Variants in SBF2 observed in about 807,000 individuals in gnomAD.
SBF2 encodes the protein myotubularin-related protein 13.
A neutral mutation model predicts 225.2 loss-of-function variants in SBF2; 112 were observed. The ratio of observed to expected loss-of-function variants is 0.50; its 90% CI spans 0.43 to 0.58. The LOEUF (loss-of-function observed/expected upper bound fraction) is 0.58. Ranked by LOEUF, SBF2 falls within the 20% of genes least tolerant of loss-of-function variation. The pLI is 0.00. For missense variants in SBF2, 1,996 were observed against 2,206.2 expected, an observed-to-expected ratio of 0.90 and a Z score of 1.91; for synonymous variants, 763 against 773.3, an observed-to-expected ratio of 0.99 and a Z score of 0.22.
intron 10 of SBF2, 40 bp from the exon 11 acceptor site, chr11:9,993,143 TA>T (rs1947518301): frequency 1.4e-6 from 2 of 1,439,866 alleles, no homozygotes; most frequent in Non-Finnish European, 9.7e-7. Context: ...TTTAACTTTT[TA>T]AAAACAAATG....
intron 16 of SBF2, 38 bp from the exon 17 acceptor site, chr11:9,896,049 T>G: frequency 6.6e-7 from 1 of 1,512,762 alleles, no homozygotes; most frequent in Non-Finnish European, 9.2e-7. Context: ...ATTAGGATAT[T>G]TACCAGAAAT....
chr11:10,046,261 G>A (rs1467963805), intron 2 of SBF2, among the ~76,000 whole-genome samples: 1 of 152,018 alleles, frequency 6.6e-6, no homozygotes, highest in South Asian at 2.1e-4. Context: ...GAAGCAAAGG[G>A]AATACCTTCT....
rs554953748 is a variant in SBF2 at position 10,171,843 on chromosome 11, G to A, written c.141+22059C>T. ...TGTTACTTGTTATTGGTCTGTTCAGGTTTTGGATTTCTTCATTGTTCAATC... is the reference window on the plus strand; with the variant it reads ...TGTTACTTGTTATTGGTCTGTTCAGATTTTGGATTTCTTCATTGTTCAATC... On this transcript the variant is annotated intron_variant, in intron 2 of 39. Coordinates refer to ENST00000256190, the MANE Select transcript of SBF2 (RefSeq NM_030962.4). Among the ~76,000 whole-genome samples, 8 of 152,214 alleles carry A rather than the reference G, an allele frequency of 5.3e-5. No homozygotes were observed. The South Asian group carries it at 1.7e-3, about 32-fold the overall frequency.
intron 26 of SBF2, among the ~76,000 whole-genome samples, chr11:9,833,874 A>G (rs1170498589): frequency 4.0e-5 from 6 of 149,500 alleles, no homozygotes; most frequent in Admixed American, 3.3e-4. Context: ...GGGTTCAAGC[A>G]ATTCTCCTTT....
At chr11:10,284,055 C>T (rs1963586452) in intron 1 of SBF2, among the ~76,000 whole-genome samples, 1 of 152,222 alleles carries the variant, frequency 6.6e-6, no homozygotes, top group East Asian at 1.9e-4. Context: ...GTAAGGGTAT[C>T]TTTCTATCTT....
intron 13 of SBF2, among the ~76,000 whole-genome samples, chr11:9,987,252 A>C (rs931189483): frequency 1.3e-5 from 2 of 152,214 alleles, no homozygotes; most frequent in African/African-American, 4.8e-5. Flanking sequence ...TCTCAGCAGA[A>C]CTGGCATACG....
intron 2 of SBF2, among the ~76,000 whole-genome samples, chr11:10,065,515 C>T (rs996706394): frequency 2.0e-5 from 3 of 151,872 alleles, no homozygotes; most frequent in African/African-American, 7.3e-5. Context: ...TGATCACACA[C>T]AGAGAAAAAA....
chr11:9,929,083 AC>A, intron 16 of SBF2: 1 of 361,150 alleles, frequency 2.8e-6, no homozygotes, highest in Non-Finnish European at 5.3e-6. Context: ...GAGTGTAGTG[AC>A]CAGCCATTAG....
intron 16 of SBF2, among the ~76,000 whole-genome samples, chr11:9,943,255 T>C (rs1036890002): frequency 6.6e-6 from 1 of 152,130 alleles, no homozygotes; most frequent in African/African-American, 2.4e-5. Flanking sequence ...AGGACTTAAA[T>C]AGGAAAGGTA....
rs762973514 is a variant in SBF2, at chr11:9,839,675, G to A, written c.3278C>T (p.Pro1093Leu). ...DVSVSDESEL[P>L]TSTTLKASEK... ...GGAGGCCTTCAGGGTGGTACTTGTGGGGAGCTCACTCTCATCTGAAACTGT... is the reference window on the plus strand; with the variant it reads ...GGAGGCCTTCAGGGTGGTACTTGTGAGGAGCTCACTCTCATCTGAAACTGT... The change falls in exon 26 of 40, where the codon CCC becomes CTC. Residue 1093 changes from proline (P) to leucine (L), a missense_variant. Physicochemically the swap from Pro to Leu is moderately conservative, Grantham distance 98. Coordinates refer to ENST00000256190, the MANE Select transcript of SBF2 (RefSeq NM_030962.4). The A allele has an allele frequency of 2.5e-6, 4 of 1,613,226 alleles. No homozygotes were observed. Among genetic ancestry groups the A allele is most frequent in the African/African-American group, 1.3e-5 (1 of 74,862 alleles).
At chr11:10,049,106 A>G (rs530698324) in intron 2 of SBF2, among the ~76,000 whole-genome samples, 159 of 152,350 alleles carry the variant, frequency 1.0e-3, no homozygotes, top group Admixed American at 1.9e-3. Flanking sequence ...AAATCACAAG[A>G]GCTTGAATGC....
chr11:10,143,962 G>A (rs1004202418), intron 2 of SBF2, among the ~76,000 whole-genome samples: 28 of 152,036 alleles, frequency 1.8e-4, no homozygotes, highest in African/African-American at 5.8e-4. Context: ...CTCGTGATCC[G>A]CCCGTCTCGG....
At chr11:10,039,192 T>C (rs1949559116) in intron 3 of SBF2, among the ~76,000 whole-genome samples, 1 of 151,854 alleles carries the variant, frequency 6.6e-6, no homozygotes, top group Non-Finnish European at 1.5e-5. Flanking sequence ...ATATTTGGTA[T>C]GAAGTAATTC....
chr11:10,138,002 AAAATAAATAAAT>A (rs79609358), intron 2 of SBF2, among the ~76,000 whole-genome samples: 1 of 150,556 alleles, frequency 6.6e-6, no homozygotes, highest in African/African-American at 2.4e-5. Flanking sequence ...TCCATCTCCA[AAAATAAATAAAT>A]AAATAAATAA....
chr11:9,956,017 A>T (rs1407903229), intron 16 of SBF2, among the ~76,000 whole-genome samples: 2 of 151,852 alleles, frequency 1.3e-5, no homozygotes, highest in African/African-American at 4.8e-5. Flanking sequence ...TTTTTCTGTA[A>T]CTCATGACAG....
chr11:9,968,919 A>T (rs1475929244), intron 13 of SBF2, among the ~76,000 whole-genome samples: 1 of 152,166 alleles, frequency 6.6e-6, no homozygotes, highest in Admixed American at 6.6e-5. Context: ...CCTATCTTTA[A>T]ACCATAAAAA....
At chr11:9,967,977 A>C (rs1192443772) in intron 14 of SBF2, among the ~76,000 whole-genome samples, 951 of 89,514 alleles carry the variant, frequency 0.011, 9 homozygotes, top group South Asian at 0.02. Flanking sequence ...CTCTCTATAT[A>C]TATATATATA....
At chr11:10,223,967 T>C (rs1265340956) in intron 1 of SBF2, among the ~76,000 whole-genome samples, 1 of 152,166 alleles carries the variant, frequency 6.6e-6, no homozygotes, top group Admixed American at 6.6e-5. Context: ...TAATACTGTA[T>C]CTTTACATTT....
chr11:10,179,795 T>C (rs1188295588), intron 2 of SBF2, among the ~76,000 whole-genome samples: 2 of 152,178 alleles, frequency 1.3e-5, no homozygotes, highest in Non-Finnish European at 2.9e-5. Flanking sequence ...CCTGTCTTCC[T>C]TTTAGTGAAG....
Sources: gnomAD v4.1 joint callset for allele counts (sites outside exome capture counted in the v4.1 genomes callset) on GRCh38, gnomAD v4.1.1 for gene constraint, MANE v1.5 for transcripts, NCBI Gene and HGNC (gene_info 2026-07-23, HGNC 2026-07-21) for gene names.